The following ARK2C variants were observed in gnomAD, a reference collection of about 807,000 sequenced individuals.
The protein encoded by ARK2C is arkadia (RNF111) C-terminal like ring finger ubiquitin ligase 2C, also known as E3 ubiquitin-protein ligase ARK2C.
chr18:46,367,094 G>A, the ARK2C span, among the ~76,000 whole-genome samples: 1 of 152,208 alleles, frequency 6.6e-6, no homozygotes, highest in Non-Finnish European at 1.5e-5. Flanking sequence ...ACTGGAGTTG[G>A]GTGGATGAAA....
chr18:46,423,955 T>A, the ARK2C span, among the ~76,000 whole-genome samples: 1 of 152,208 alleles, frequency 6.6e-6, no homozygotes, highest in Non-Finnish European at 1.5e-5. Context: ...TCCTCTTTTA[T>A]CCAGTATCTC....
chr18:46,435,289 G>A, the ARK2C span: 8 of 1,613,836 alleles, frequency 5.0e-6, no homozygotes, highest in Non-Finnish European at 5.9e-6. Flanking sequence ...TCTGGTGCAG[G>A]CGGAGTCAGG....
the ARK2C span, among the ~76,000 whole-genome samples, chr18:46,387,695 A>G: frequency 6.6e-6 from 1 of 152,264 alleles, no homozygotes; most frequent in Non-Finnish European, 1.5e-5. Context: ...GAAACCACAG[A>G]TAGCTTCAGT....
chr18:46,389,710 A>G, the ARK2C span, among the ~76,000 whole-genome samples: 2 of 151,620 alleles, frequency 1.3e-5, no homozygotes, highest in Non-Finnish European at 2.9e-5. Flanking sequence ...AGCTCTCTCC[A>G]GGAAGTGAAA....
the ARK2C span, among the ~76,000 whole-genome samples, chr18:46,341,675 A>G: frequency 2.6e-5 from 4 of 152,252 alleles, no homozygotes; most frequent in South Asian, 4.1e-4. Flanking sequence ...CCTCATACTC[A>G]CATGACTTGT....
chr18:46,363,165 A>C, the ARK2C span, among the ~76,000 whole-genome samples: 2 of 152,228 alleles, frequency 1.3e-5, no homozygotes, highest in Non-Finnish European at 2.9e-5. Context: ...ATGACAAAAC[A>C]GTCTAAATCA....
chr18:46,442,551 G>C, the ARK2C span, among the ~76,000 whole-genome samples: 1 of 152,080 alleles, frequency 6.6e-6, no homozygotes, highest in Non-Finnish European at 1.5e-5. Flanking sequence ...TATTTATTGA[G>C]ACTTGTTTTA....
chr18:46,337,713 T>C, the ARK2C span: 9 of 702,428 alleles, frequency 1.3e-5, no homozygotes, highest in South Asian at 6.4e-5. Flanking sequence ...GTTTAGATTT[T>C]CCCCCCTTGC....
chr18:46,456,636 A>G, the ARK2C span: 1 of 1,605,706 alleles, frequency 6.2e-7, no homozygotes, highest in Non-Finnish European at 8.5e-7. Flanking sequence ...CCGACAGCTG[A>G]GGGAGGAATT....
the ARK2C span, chr18:46,450,272 T>C: frequency 6.6e-7 from 1 of 1,516,822 alleles, no homozygotes; most frequent in Non-Finnish European, 9.2e-7. Flanking sequence ...CCTTGCTCTA[T>C]CCAAGGCGTT....
At chr18:46,393,517 T>C in the ARK2C span, among the ~76,000 whole-genome samples, 2 of 152,144 alleles carry the variant, frequency 1.3e-5, no homozygotes, top group African/African-American at 4.8e-5. Flanking sequence ...TCATACCCTG[T>C]CTGGACGCCC....
chr18:46,385,341 G>T, the ARK2C span, among the ~76,000 whole-genome samples: 5 of 152,158 alleles, frequency 3.3e-5, no homozygotes, highest in South Asian at 1.0e-3. Context: ...ACTGATAACA[G>T]ATTGTTTTGT....
At chr18:46,449,302 T>C in the ARK2C span, among the ~76,000 whole-genome samples, 1 of 152,160 alleles carries the variant, frequency 6.6e-6, no homozygotes, top group Non-Finnish European at 1.5e-5. Flanking sequence ...TCAGACTCTG[T>C]CTTTATTTAA....
chr18:46,410,410 TGGA>T, the ARK2C span, among the ~76,000 whole-genome samples: 34 of 152,144 alleles, frequency 2.2e-4, no homozygotes, highest in African/African-American at 8.2e-4. Flanking sequence ...ACAGTTAAGG[TGGA>T]GGAGGAGGCA....
chr18:46,404,394 AC>A, the ARK2C span, among the ~76,000 whole-genome samples: 144 of 152,202 alleles, frequency 9.5e-4, no homozygotes, highest in African/African-American at 3.4e-3. Flanking sequence ...GGTATTAAGC[AC>A]CTTTTTCGTG....
the ARK2C span, among the ~76,000 whole-genome samples, chr18:46,353,915 G>A: frequency 6.6e-6 from 1 of 152,096 alleles, no homozygotes; most frequent in Non-Finnish European, 1.5e-5. Flanking sequence ...CCAAGACCCA[G>A]CTCTAAGGGT....
At chr18:46,418,388 T>A in the ARK2C span, among the ~76,000 whole-genome samples, 1 of 152,238 alleles carries the variant, frequency 6.6e-6, no homozygotes, top group Non-Finnish European at 1.5e-5. Context: ...AAATCAATTG[T>A]AATAATATAC....
At chr18:46,355,248 C>T in the ARK2C span, among the ~76,000 whole-genome samples, 20 of 151,974 alleles carry the variant, frequency 1.3e-4, no homozygotes, top group South Asian at 2.1e-4. Flanking sequence ...CCACCGGGCC[C>T]GGCCTGTTTT....
chr18:46,359,945 A>T, the ARK2C span, among the ~76,000 whole-genome samples: 4 of 152,226 alleles, frequency 2.6e-5, no homozygotes, highest in African/African-American at 9.6e-5. Flanking sequence ...CTTAGCTGCA[A>T]GGGAACCTGG....
Sources: gnomAD v4.1 joint callset for allele counts (sites outside exome capture counted in the v4.1 genomes callset) on GRCh38, gnomAD v4.1.1 for gene constraint, MANE v1.5 for transcripts, NCBI Gene and HGNC (gene_info 2026-07-23, HGNC 2026-07-21) for gene names.